Variants in RHPN1 observed in about 807,000 individuals in gnomAD.
The protein encoded by RHPN1 is rhophilin Rho GTPase binding protein 1, also known as rhophilin-1.
Under a neutral mutation model 74.7 loss-of-function variants are expected in RHPN1, and 77 were observed. That is an observed-to-expected ratio of 1.03 (90% CI 0.86 to 1.25). The LOEUF (loss-of-function observed/expected upper bound fraction) is 1.25. RHPN1 is among the 50% of genes most tolerant of loss of function. The probability of loss-of-function intolerance (pLI) is 0.00; values close to 1 mark genes in which losing one functional copy is unlikely to be tolerated. For synonymous variants in RHPN1, 444 were observed against 414.5 expected, an observed-to-expected ratio of 1.07 and a Z score of -0.87; for missense variants, 987 against 932.2, an observed-to-expected ratio of 1.06 and a Z score of -0.77.
chr8:143,375,428 G>A, intron 1 of RHPN1, 125 bp from the exon 2 acceptor site: 1 of 627,328 alleles, frequency 1.6e-6, no homozygotes, highest in Admixed American at 3.2e-5. Context: ...GCCAGCTCCA[G>A]CCCCAGCGCA....
rs577178141 is a variant in RHPN1 at position 143,380,665 on chromosome 8, C to T, written c.1293C>T (p.Arg431=). Residue 431 remains arginine (R), a synonymous_variant, in exon 11 of 15, where the codon CGC becomes CGT. Transcript: ENST00000289013. ...LRLHALCRVL[R]EVDLLRAVIS... Reference sequence around the variant, plus strand: ...TGCACGCCCTGTGCCGCGTCCTGCGCGAGGTGGACCTGCTTCGGGCTGTGA... The same window carrying T: ...TGCACGCCCTGTGCCGCGTCCTGCGTGAGGTGGACCTGCTTCGGGCTGTGA... 214 of 1,573,386 alleles carry T rather than the reference C, an allele frequency of 1.4e-4. No individual in the cohort carries two copies. The highest frequency in any genetic ancestry group is 1.6e-4 in the Non-Finnish European group (186 of 1,160,178).
intron 1 of RHPN1, among the ~76,000 whole-genome samples, chr8:143,370,729 C>G (rs1020885152): frequency 2.0e-5 from 3 of 152,252 alleles, no homozygotes; most frequent in Non-Finnish European, 4.4e-5. Flanking sequence ...CCAAGGCTGC[C>G]AAGCTGGGAA....
chr8:143,364,475 C>T (rs1240147596), upstream of RHPN1, among the ~76,000 whole-genome samples: 4 of 152,102 alleles, frequency 2.6e-5, no homozygotes, highest in African/African-American at 4.8e-5. The surrounding 1 kb of genome is among the most constrained non-coding windows in gnomAD (Gnocchi z 4.5). Flanking sequence ...TCCTTGCTTA[C>T]GGAGGCCCCA....
Position 143,381,939 on chromosome 8 carries a change from C to A in RHPN1, c.1768C>A (p.Leu590Met). 1 of 1,607,932 alleles carries A rather than the reference C, an allele frequency of 6.2e-7. No individual in the cohort carries two copies. The highest frequency in any genetic ancestry group is 8.5e-7 in the Non-Finnish European group (1 of 1,177,902). Reference sequence around the variant, plus strand: ...GGGCGCCAGCCTGCAGGTGGTGTCGCTGCTGCCCAGCTCTAGACTGCCCAG... The same window carrying A: ...GGGCGCCAGCCTGCAGGTGGTGTCGATGCTGCCCAGCTCTAGACTGCCCAG... ...EAGASLQVVS[L>M]LPSSRLPSLG... The change falls in exon 14 of 15, where the codon CTG (leucine) becomes ATG (methionine). Residue 590 changes from leucine (L) to methionine (M), a missense_variant. By Grantham distance (15) the Leu-to-Met change is conservative. Transcript: ENST00000289013.
chr8:143,376,464 G>A (rs1022388617), intron 2 of RHPN1, 61 bp from the exon 3 acceptor site: 2 of 1,592,606 alleles, frequency 1.3e-6, no homozygotes, highest in East Asian at 2.3e-5. Context: ...CGGCTGCAGT[G>A]GGCACGGGGC....
At chr8:143,370,320 T>G (rs1817741617) in intron 1 of RHPN1, among the ~76,000 whole-genome samples, 1 of 152,158 alleles carries the variant, frequency 6.6e-6, no homozygotes, top group Non-Finnish European at 1.5e-5. Flanking sequence ...GTCAGGGTAC[T>G]GGGGAGGGGC....
chr8:143,369,102 C>T (rs1586797298), intron 1 of RHPN1, 55 bp downstream of exon 1: 9 of 1,360,670 alleles, frequency 6.6e-6, no homozygotes, highest in South Asian at 3.0e-5. Context: ...CGGCCTTTTC[C>T]TGCCCCCCCT....
Position 143,384,168 on chromosome 8 carries a change from C to T in RHPN1, c.*1517C>T, listed in dbSNP as rs72703721. 32,467 of 151,920 alleles carry T rather than the reference C, an allele frequency of 0.21. 3,907 individuals are homozygous for T. Among genetic ancestry groups the T allele is most frequent in the Non-Finnish European group, 0.28 (18,809 of 67,904 alleles). 9.4% of individuals were successfully genotyped at this position (151,920 alleles called of 1,614,324 possible). ...GTCTCAGCAGAATGGGCCAAGGTCA[C>T]GCAGGTCTCCCCAGCACGTGTTAAT... On this transcript the variant is annotated 3_prime_UTR_variant, in exon 15 of 15. Transcript: ENST00000289013.
chr8:143,381,181 A>T, intron 11 of RHPN1, 87 bp from the exon 12 acceptor site: 1 of 1,142,096 alleles, frequency 8.8e-7, no homozygotes, highest in Non-Finnish European at 1.3e-6. Flanking sequence ...GCCTGTGTGC[A>T]CTCAGGGTCA....
chr8:143,374,903 C>CGGGGCT (rs537288963), intron 1 of RHPN1, among the ~76,000 whole-genome samples: 185 of 152,320 alleles, frequency 1.2e-3, no homozygotes, highest in African/African-American at 4.2e-3. Flanking sequence ...GGCAGGGCCG[C>CGGGGCT]GGGGCTGCAG....
At position 143,381,727 on chromosome 8, in the gene RHPN1, C is replaced by A; in HGVS notation, c.1635+9C>A. The A allele has an allele frequency of 1.2e-6, 2 of 1,607,140 alleles. No individual in the cohort carries two copies. Among genetic ancestry groups the A allele is most frequent in the Admixed American group, 1.7e-5 (1 of 59,162 alleles). ...CAGGGAGCCAGGCCGCGGTAAGGGC[C>A]CCGCCGGCCCCCTGAGGCTGAGTCC... On this transcript the variant is annotated intron_variant, in intron 13 of 14. Coordinates refer to ENST00000289013, the MANE Select transcript of RHPN1 (RefSeq NM_052924.3).
At chr8:143,371,599 CTG>C (rs775975520) in intron 1 of RHPN1, among the ~76,000 whole-genome samples, 4 of 152,200 alleles carry the variant, frequency 2.6e-5, no homozygotes, top group Non-Finnish European at 4.4e-5. Context: ...CAGGGCCACA[CTG>C]TTTCCTCCTG....
chr8:143,365,377 G>T (rs1238474039), upstream of RHPN1, among the ~76,000 whole-genome samples: 2 of 152,206 alleles, frequency 1.3e-5, no homozygotes, highest in Non-Finnish European at 2.9e-5. Context: ...TCTGGAATCA[G>T]CTGCTTTTTC....
Position 143,379,969 on chromosome 8 carries a change from C to T in RHPN1, c.1086C>T (p.Ala362=). ...TGGCCCACTACCACGTAGCCATGGCCCTCTGCGACGGCTCCCGTGAGTGCC... is the reference window on the plus strand; with the variant it reads ...TGGCCCACTACCACGTAGCCATGGCTCTCTGCGACGGCTCCCGTGAGTGCC... The part of the protein sequence containing the change: ...RSLAHYHVAM[A]LCDGSPATEG... The change falls in exon 9 of 15, where the codon GCC becomes GCT. Residue 362 remains alanine, a synonymous_variant. Coordinates refer to ENST00000289013, the MANE Select transcript of RHPN1 (RefSeq NM_052924.3). The T allele has an allele frequency of 6.4e-7, 1 of 1,567,560 alleles. No homozygotes were observed. The highest frequency in any genetic ancestry group is 8.6e-7 in the Non-Finnish European group (1 of 1,157,520).
intron 3 of RHPN1, among the ~76,000 whole-genome samples, 183 bp downstream of exon 3, chr8:143,376,836 ATC>A (rs1180253419): frequency 6.1e-5 from 8 of 131,766 alleles, no homozygotes; most frequent in East Asian, 2.3e-4. Context: ...GTGTCTGTGC[ATC>A]TCTGTGTGTG....
chr8:143,380,117 C>T lies in RHPN1; in HGVS notation c.1158C>T (p.Thr386=), dbSNP rs1043903443. 1 of 1,551,996 alleles carries T rather than the reference C, an allele frequency of 6.4e-7. No individual in the cohort carries two copies. The highest frequency in any genetic ancestry group is 8.7e-7 in the Non-Finnish European group (1 of 1,149,056). Residue 386 remains threonine (T), a synonymous_variant, in exon 10 of 15, where the codon ACC becomes ACT. Transcript: ENST00000289013. Reference sequence around the variant, plus strand: ...AGCAGGTCTTCCTGCAGCCCCCCACCTCCTCTAAGCCCCGAGGCCCTGTGC... The same window carrying T: ...AGCAGGTCTTCCTGCAGCCCCCCACTTCCTCTAAGCCCCGAGGCCCTGTGC... ...THEQVFLQPP[T]SSKPRGPVLP...
In RHPN1 at chr8:143,376,561, C is replaced by T. The variant is rs1301166171; in HGVS notation, c.213C>T (p.Ala71=). The change falls in exon 3 of 15, where the codon GCC becomes GCT. Residue 71 remains alanine (A), a synonymous_variant. Coordinates refer to ENST00000289013, the MANE Select transcript of RHPN1 (RefSeq NM_052924.3). The part of the protein sequence containing the change: ...TSNNRVRETV[A]LELSYVNSNL... ...ACAACCGGGTGAGAGAGACGGTCGCCCTGGAGCTGAGCTACGTCAACTCCA... is the reference window on the plus strand; with the variant it reads ...ACAACCGGGTGAGAGAGACGGTCGCTCTGGAGCTGAGCTACGTCAACTCCA... 1 of 1,612,030 alleles carries T rather than the reference C, an allele frequency of 6.2e-7. No homozygotes were observed. The highest frequency in any genetic ancestry group is 1.7e-5 in the Admixed American group (1 of 59,928).
upstream of RHPN1, chr8:143,366,817 TG>T (rs1277852791): frequency 6.6e-6 from 1 of 152,234 alleles, no homozygotes; most frequent in Non-Finnish European, 1.5e-5. Flanking sequence ...ACATGCTTGC[TG>T]ACAGTCACTG....
At chr8:143,366,538 CACGCACAT>C (rs1468394987), upstream of RHPN1, 5 of 151,760 alleles carry the variant, frequency 3.3e-5, no homozygotes, top group Non-Finnish European at 1.5e-5. Flanking sequence ...CACACGCACA[CACGCACAT>C]ATGCACGCAC....
Sources: allele counts gnomAD v4.1 joint callset (sites outside exome capture counted in the v4.1 genomes callset), GRCh38; gene constraint gnomAD v4.1.1; non-coding constraint Gnocchi (gnomAD v3.1); transcripts MANE v1.5; gene names NCBI Gene and HGNC (gene_info 2026-07-23, HGNC 2026-07-21).